TTC6: variants seen among roughly 807,000 people sequenced by gnomAD.
TTC6 encodes the protein tetratricopeptide repeat protein 6.
TTC6 carries 172 observed loss-of-function variants against 210.4 expected under a neutral mutation model. The ratio of observed to expected loss-of-function variants is 0.82; its 90% CI spans 0.72 to 0.93. The LOEUF is 0.93. Among genes scored for constraint, TTC6 ranks in the 40% least tolerant of loss-of-function variants. TTC6 has a pLI of 0.00. For missense variants in TTC6, 2,414 were observed against 2,318.1 expected, an observed-to-expected ratio of 1.04 and a Z score of -0.85; for synonymous variants, 804 against 819.6, an observed-to-expected ratio of 0.98 and a Z score of 0.32.
chr14:37,724,675 C>G (rs933140561), intron 6 of TTC6, among the ~76,000 whole-genome samples: 1 of 152,144 alleles, frequency 6.6e-6, no homozygotes, highest in Non-Finnish European at 1.5e-5. Flanking sequence ...AATTGGCCTC[C>G]AGCGTGTTCT....
At chr14:37,708,675 A>G (rs2095839698) in intron 5 of TTC6, among the ~76,000 whole-genome samples, 1 of 152,070 alleles carries the variant, frequency 6.6e-6, no homozygotes, top group Non-Finnish European at 1.5e-5. Context: ...GCTTAGTTGG[A>G]TAATCTGTGT....
In TTC6 at chr14:37,748,947, C is replaced by T. The variant is rs145211655; in HGVS notation, c.2372C>T (p.Ser791Phe). ...ACTCTTTTAAAAACTAGATCAGCAT[C>T]TCATGGAATACTTCCGGGACAGAAG... is the stretch of plus-strand genomic sequence containing the variant. Residue 791 changes from serine (S) to phenylalanine (F), a missense_variant, in exon 11 of 31, where the codon TCT becomes TTT. Coordinates refer to ENST00000553443, the Ensembl canonical transcript of TTC6. 134 of 1,477,758 alleles carry T rather than the reference C, an allele frequency of 9.1e-5. 1 individual carries two copies. In the African/African-American group the frequency reaches 1.5e-3, roughly 16 times the overall value. The allele number at this position is 1,477,758 out of a possible 1,614,324, so 91.5% of individuals were successfully genotyped here.
intron 14 of TTC6, among the ~76,000 whole-genome samples, chr14:37,767,317 T>C (rs1214217805): frequency 6.6e-6 from 1 of 152,196 alleles, no homozygotes; most frequent in Non-Finnish European, 1.5e-5. Context: ...ATATACCCAG[T>C]AATGGGATGG....
chr14:37,791,310 T>C (rs1228719373), intron 16 of TTC6, among the ~76,000 whole-genome samples: 1 of 152,168 alleles, frequency 6.6e-6, no homozygotes, highest in Non-Finnish European at 1.5e-5. Context: ...AAAACACTAA[T>C]ACCATGTAGA....
chr14:37,622,760 C>G (rs1277906062), exon 1 of TTC6: 2 of 1,534,826 alleles, frequency 1.3e-6, no homozygotes, highest in African/African-American at 1.4e-5. Context: ...ACTTCGTGAG[C>G]GAGAGCGGGG....
intron 3 of TTC6, among the ~76,000 whole-genome samples, chr14:37,696,220 C>T (rs1456431249): frequency 6.6e-6 from 1 of 152,042 alleles, no homozygotes; most frequent in Non-Finnish European, 1.5e-5. Context: ...CTGATTTCTT[C>T]CTTAAATCTA....
intron 1 of TTC6, among the ~76,000 whole-genome samples, chr14:37,646,642 T>TA (rs567109084): frequency 2.6e-4 from 40 of 152,312 alleles, no homozygotes; most frequent in African/African-American, 8.9e-4. Context: ...AACATTTATT[T>TA]AAAAAACCTC....
At chr14:37,725,348 A>ATATATATG (rs1555391431) in intron 7 of TTC6, among the ~76,000 whole-genome samples, 1,362 of 112,978 alleles carry the variant, frequency 0.012, 30 homozygotes, top group Middle Eastern at 0.016. Context: ...ATATATATAT[A>ATATATATG]TATATATATA....
At chr14:37,724,551 A>G (rs1399819562) in intron 6 of TTC6, among the ~76,000 whole-genome samples, 1 of 152,120 alleles carries the variant, frequency 6.6e-6, no homozygotes, top group African/African-American at 2.4e-5. Flanking sequence ...CTCTGTGAAT[A>G]TCCCATACTC....
intron 3 of TTC6, among the ~76,000 whole-genome samples, chr14:37,684,874 A>G (rs2095790820): frequency 6.6e-6 from 1 of 152,172 alleles, no homozygotes; most frequent in Non-Finnish European, 1.5e-5. Flanking sequence ...CTTTTCTGAC[A>G]TGATTAAACA....
intron 14 of TTC6, among the ~76,000 whole-genome samples, chr14:37,786,222 A>C (rs2139298250): frequency 6.6e-6 from 1 of 152,316 alleles, no homozygotes; most frequent in South Asian, 2.1e-4. Context: ...CGGCCCACAG[A>C]GGTGGAGTCT....
intron 14 of TTC6, among the ~76,000 whole-genome samples, chr14:37,767,730 T>A: frequency 6.6e-6 from 1 of 151,844 alleles, no homozygotes; most frequent in South Asian, 2.1e-4. Context: ...GCTGCGAAAA[T>A]TTTCTCCCAT....
At chr14:37,800,130 A>G (rs1478541794) in intron 20 of TTC6, among the ~76,000 whole-genome samples, 1 of 152,208 alleles carries the variant, frequency 6.6e-6, no homozygotes, top group African/African-American at 2.4e-5. Flanking sequence ...TTTGAGGAAC[A>G]TGACAGAAAA....
At chr14:37,822,675 C>T (rs1255149468) in intron 26 of TTC6, among the ~76,000 whole-genome samples, 1 of 152,148 alleles carries the variant, frequency 6.6e-6, no homozygotes, top group Non-Finnish European at 1.5e-5. Flanking sequence ...TGTTGAGATA[C>T]CAGCTCACTG....
intron 7 of TTC6, 42 bp from the exon 10 acceptor site, chr14:37,735,879 T>C: frequency 8.0e-7 from 1 of 1,253,554 alleles, no homozygotes; most frequent in Non-Finnish European, 1.1e-6. Context: ...TTTTAAAAAG[T>C]ATTCCAAAAC....
chr14:37,597,339 C>A (rs1174615093), intron 1 of TTC6, among the ~76,000 whole-genome samples: 1 of 152,038 alleles, frequency 6.6e-6, no homozygotes, highest in African/African-American at 2.4e-5. Context: ...TTCTCCAATA[C>A]CCTCTTGGCT....
At position 37,804,718 on chromosome 14, in the gene TTC6, T is replaced by G. The variant is rs375959519; in HGVS notation, c.4068T>G (p.Ile1356Met). 3 of 1,614,052 alleles carry G rather than the reference T, an allele frequency of 1.9e-6. No homozygotes were observed. In the African/African-American group the frequency reaches 4.0e-5, roughly 22 times the overall value. Residue 1356 changes from isoleucine (I) to methionine (M), a missense_variant, in exon 21 of 31, where the codon ATT (isoleucine) becomes ATG (methionine). By Grantham distance (10) the Ile-to-Met change is conservative. Transcript: ENST00000553443. ...TGCTTAAGAAGGCTTTGGATGCCAT[T>G]TCTCATTCTGATAAAGGACCAGATG... is the stretch of plus-strand genomic sequence containing the variant.
At chr14:37,705,596 C>A (rs74517250) in intron 5 of TTC6, among the ~76,000 whole-genome samples, 1 of 151,920 alleles carries the variant, frequency 6.6e-6, no homozygotes, top group Non-Finnish European at 1.5e-5. Context: ...AATATTGATC[C>A]GAGTAATCAA....
At chr14:37,649,534 G>A (rs749574079) in intron 1 of TTC6, among the ~76,000 whole-genome samples, 12 of 152,116 alleles carry the variant, frequency 7.9e-5, no homozygotes, top group Non-Finnish European at 1.6e-4. Flanking sequence ...GTTTTCTCCC[G>A]AATCACTTGT....
Sources: gnomAD v4.1 joint callset for allele counts (sites outside exome capture counted in the v4.1 genomes callset) on GRCh38, gnomAD v4.1.1 for gene constraint, MANE v1.5 for transcripts, NCBI Gene and HGNC (gene_info 2026-07-23, HGNC 2026-07-21) for gene names.